The following FKBP15 variants were observed in gnomAD, a reference collection of about 807,000 sequenced individuals.
FKBP15 encodes the protein FK506-binding protein 15.
FKBP15 carries 106 observed loss-of-function variants against 158.1 expected under a neutral mutation model. The observed-to-expected ratio is 0.67, with a 90% CI of 0.57 to 0.79. The LOEUF (loss-of-function observed/expected upper bound fraction) is 0.79. Ranked by LOEUF, FKBP15 falls within the 30% of genes least tolerant of loss-of-function variation. The probability of loss-of-function intolerance (pLI) is 0.00; values close to 1 mark genes in which losing one functional copy is unlikely to be tolerated. For missense variants in FKBP15, 1,287 were observed against 1,479.1 expected, an observed-to-expected ratio of 0.87 and a Z score of 2.13; for synonymous variants, 547 against 548.6, an observed-to-expected ratio of 1.00 and a Z score of 0.04.
chr9:113,187,570 TA>T (rs1830506087), intron 14 of FKBP15: 2 of 542,954 alleles, frequency 3.7e-6, no homozygotes, highest in African/African-American at 3.8e-5. Flanking sequence ...TACGTTGTAC[TA>T]GGGGCTCTAC....
intron 1 of FKBP15, among the ~76,000 whole-genome samples, chr9:113,215,778 T>C (rs1831118115): frequency 2.7e-5 from 4 of 148,972 alleles, no homozygotes; most frequent in Admixed American, 1.3e-4. Context: ...GCCTCCCAAA[T>C]TGCTAGGATT....
intron 9 of FKBP15, 69 bp downstream of exon 9, chr9:113,196,863 T>A: frequency 1.3e-6 from 2 of 1,532,706 alleles, no homozygotes; most frequent in South Asian, 2.4e-5. Context: ...ATTTATTTAT[T>A]CATTTTGTGT....
rs144346139 is a variant in FKBP15, at chr9:113,213,266, G to A, written c.54-1674C>T. On this transcript the variant is annotated intron_variant, in intron 1 of 27. Coordinates refer to ENST00000238256, the MANE Select transcript of FKBP15 (RefSeq NM_015258.2). ...TCTACTAAAAGTACAAAAATTAGCCGGGCGTGGTGGCACGCACCTGTAATC... is the reference window on the plus strand; with the variant it reads ...TCTACTAAAAGTACAAAAATTAGCCAGGCGTGGTGGCACGCACCTGTAATC... Among the ~76,000 whole-genome samples the A allele has an allele frequency of 5.9e-4, 90 of 152,098 alleles. 1 individual carries two copies. The East Asian group carries it at 9.9e-3, about 17-fold the overall frequency.
chr9:113,215,639 T>G (rs1410104521), intron 1 of FKBP15, among the ~76,000 whole-genome samples: 2 of 117,968 alleles, frequency 1.7e-5, no homozygotes, highest in African/African-American at 7.0e-5. Context: ...TATATATATA[T>G]ATATATTTTT....
chr9:113,169,025 C>CCG (rs1420021849), intron 26 of FKBP15, among the ~76,000 whole-genome samples, 199 bp downstream of exon 26: 6 of 151,548 alleles, frequency 4.0e-5, no homozygotes, highest in Admixed American at 6.6e-5. Context: ...CGCCACACTA[C>CCG]CACAGGGCCC....
chr9:113,193,585 C>G, intron 10 of FKBP15, 36 bp from the exon 11 acceptor site: 1 of 1,551,048 alleles, frequency 6.4e-7, no homozygotes, highest in Non-Finnish European at 8.8e-7. Context: ...AGATTGAAAA[C>G]AAAATCCAGA....
At chr9:113,192,422 G>T (rs1444353814) in intron 11 of FKBP15, among the ~76,000 whole-genome samples, 1 of 152,180 alleles carries the variant, frequency 6.6e-6, no homozygotes, top group Non-Finnish European at 1.5e-5. Flanking sequence ...CTGGTCCACA[G>T]GCAGCAAACT....
intron 2 of FKBP15, among the ~76,000 whole-genome samples, chr9:113,211,113 TCTA>T: frequency 6.6e-6 from 1 of 151,948 alleles, no homozygotes; most frequent in African/African-American, 2.4e-5. Context: ...ATACGTATAT[TCTA>T]TTAGCTCTGT....
Position 113,161,656 on chromosome 9 carries a change from C to G in FKBP15, c.*4422G>C. On this transcript the variant is annotated 3_prime_UTR_variant, in exon 28 of 28. Coordinates refer to ENST00000238256, the MANE Select transcript of FKBP15 (RefSeq NM_015258.2). Reference sequence around the variant, plus strand: ...ACCATCGCAGAGACAGACGGGGACTCTGCAGGCTCAGATTCATTCCCTGTT... The same window carrying G: ...ACCATCGCAGAGACAGACGGGGACTGTGCAGGCTCAGATTCATTCCCTGTT... 3.1e-6 allele frequency: 5 copies of G among 1,614,040 alleles called. No individual in the cohort carries two copies. The highest frequency in any genetic ancestry group is 4.2e-6 in the Non-Finnish European group (5 of 1,179,900).
intron 1 of FKBP15, among the ~76,000 whole-genome samples, chr9:113,219,511 T>G (rs1386647434): frequency 6.6e-6 from 1 of 152,160 alleles, no homozygotes; most frequent in East Asian, 1.9e-4. Context: ...GGAACAAAAA[T>G]AAACTATAAC....
At chr9:113,203,060 A>T in intron 4 of FKBP15, 25 bp from the exon 5 acceptor site, 1 of 360,156 alleles carries the variant, frequency 2.8e-6, no homozygotes, top group Non-Finnish European at 4.0e-6. Context: ...CGACAGATAG[A>T]AAAAAAAAAA....
At chr9:113,188,911 T>C (rs941827980) in intron 12 of FKBP15, among the ~76,000 whole-genome samples, 2 of 152,206 alleles carry the variant, frequency 1.3e-5, no homozygotes, top group African/African-American at 2.4e-5. Flanking sequence ...ATCATCCCCA[T>C]AGTCCTCAAG....
Position 113,206,563 on chromosome 9 carries a change from A to T in FKBP15, c.270T>A (p.Tyr90Ter). 1 of 1,613,914 alleles carries T rather than the reference A, an allele frequency of 6.2e-7. No individual in the cohort carries two copies. Among genetic ancestry groups the T allele is most frequent in the Non-Finnish European group, 8.5e-7 (1 of 1,179,816 alleles). ...CAGCACCAAATTTGCCCTGCTTTAC[A>T]TATTGACCATTTGTGCTATAAAAGG... ...VHAYRYTNGQ[Y>*]VKQGKFGAAV... The change falls in exon 4 of 28, where the codon TAT (tyrosine) becomes TAA (stop). Residue 90 changes from tyrosine (Y) to a stop codon, truncating the protein, a stop_gained. Transcript: ENST00000238256. LOFTEE classifies it high-confidence loss of function.
chr9:113,191,625 T>A (rs1369203272), intron 11 of FKBP15, among the ~76,000 whole-genome samples: 1 of 148,658 alleles, frequency 6.7e-6, no homozygotes, highest in Non-Finnish European at 1.5e-5. Context: ...ATGAAAAGAT[T>A]CTGCATTATA....
At chr9:113,168,600 C>T (rs1455563737) in intron 26 of FKBP15, 44 bp from the exon 27 acceptor site, 1 of 1,562,460 alleles carries the variant, frequency 6.4e-7, no homozygotes, top group Admixed American at 1.7e-5. Flanking sequence ...GTTCCTGCTC[C>T]AGGTCACAGT....
Position 113,207,315 on chromosome 9 carries a change from A to T in FKBP15, c.170-19T>A, listed in dbSNP as rs1830908191. 6.3e-7 allele frequency: 1 copy of T among 1,575,170 alleles called. No individual in the cohort carries two copies. Among genetic ancestry groups the T allele is most frequent in the South Asian group, 1.1e-5 (1 of 89,970 alleles). Reference sequence around the variant, plus strand: ...TGATTTCCTGAAGATGAACAAGAAAACAAAGTTGTCATTCACTTCTTGCTT... The same window carrying T: ...TGATTTCCTGAAGATGAACAAGAAATCAAAGTTGTCATTCACTTCTTGCTT... On this transcript the variant is annotated intron_variant, in intron 2 of 27. Coordinates refer to ENST00000238256, the MANE Select transcript of FKBP15 (RefSeq NM_015258.2).
chr9:113,199,415 T>C (rs1830745197), intron 7 of FKBP15, among the ~76,000 whole-genome samples: 2 of 152,186 alleles, frequency 1.3e-5, no homozygotes, highest in African/African-American at 2.4e-5. Context: ...CTCAATAATA[T>C]TAAAACACAG....
chr9:113,190,402 C>T, intron 12 of FKBP15, 69 bp downstream of exon 12: 1 of 1,290,496 alleles, frequency 7.7e-7, no homozygotes, highest in Non-Finnish European at 1.1e-6. Flanking sequence ...ACAATCACTC[C>T]AACCAAATGA....
Position 113,194,125 on chromosome 9 carries a change from A to T in FKBP15, c.909T>A (p.Ser303Arg), listed in dbSNP as rs763228107. The T allele has an allele frequency of 1.5e-5, 25 of 1,613,122 alleles. No individual in the cohort carries two copies. The South Asian group carries it at 2.7e-4, about 18-fold the overall frequency. ...RDSGSDGHSV[S>R]SRDSAAPSPI... Reference sequence around the variant, plus strand: ...GAGACGGAGCTGCAGAATCGCGGGAACTAACACTGTGACCATCAGAGCCAG... The same window carrying T: ...GAGACGGAGCTGCAGAATCGCGGGATCTAACACTGTGACCATCAGAGCCAG... The change falls in exon 10 of 28, where the codon AGT becomes AGA. Residue 303 changes from serine (S) to arginine (R), a missense_variant. Physicochemically the swap from Ser to Arg is moderately radical, Grantham distance 110 (BLOSUM62 -1). Transcript: ENST00000238256.
Sources: allele counts gnomAD v4.1 joint callset (sites outside exome capture counted in the v4.1 genomes callset), GRCh38; gene constraint gnomAD v4.1.1; transcripts MANE v1.5; gene names NCBI Gene and HGNC (gene_info 2026-07-23, HGNC 2026-07-21).